The following ZNF608 variants were observed in gnomAD, a reference collection of about 807,000 sequenced individuals.
ZNF608 encodes the protein zinc finger protein 608, also known as renal carcinoma antigen NY-REN-36.
In ZNF608, 12 loss-of-function variants were observed where a neutral mutation model predicts 109.0. The ratio of observed to expected loss-of-function variants is 0.11; its 90% CI spans 0.07 to 0.18. ZNF608 has a LOEUF of 0.18. ZNF608 is among the 10% of genes least tolerant of loss of function. The probability of loss-of-function intolerance (pLI) is 1.00; values close to 1 mark genes in which losing one functional copy is unlikely to be tolerated. For synonymous variants in ZNF608, 732 were observed against 717.4 expected, an observed-to-expected ratio of 1.02 and a Z score of -0.33; for missense variants, 1,707 against 1,879.3, an observed-to-expected ratio of 0.91 and a Z score of 1.70.
At chr5:124,679,504 A>C (rs1221815158) in intron 3 of ZNF608, among the ~76,000 whole-genome samples, 6 of 151,734 alleles carry the variant, frequency 4.0e-5, no homozygotes, top group African/African-American at 1.5e-4. Flanking sequence ...GGTAACAGCC[A>C]ATGTGCTGGG....
At chr5:124,690,383 T>C (rs1190259581) in intron 3 of ZNF608, among the ~76,000 whole-genome samples, 1 of 152,250 alleles carries the variant, frequency 6.6e-6, no homozygotes, top group Non-Finnish European at 1.5e-5. Context: ...CTTTGGGTGA[T>C]GGTGTGTCAA....
chr5:124,716,866 T>G (rs1753723847), intron 2 of ZNF608, among the ~76,000 whole-genome samples: 1 of 152,152 alleles, frequency 6.6e-6, no homozygotes. Flanking sequence ...GCGAATCACC[T>G]GAGGTCGGGA....
Position 124,648,057 on chromosome 5 carries a change from A to G in ZNF608, c.2327T>C (p.Val776Ala). ...PGLPSLTTTV[V>A]QATPKSPPLK... Reference sequence around the variant, plus strand: ...CGGAGGACTCTTTGGTGTAGCCTGAACAACAGTTGTTGTGAGGGAGGGCAG... The same window carrying G: ...CGGAGGACTCTTTGGTGTAGCCTGAGCAACAGTTGTTGTGAGGGAGGGCAG... Residue 776 changes from valine to alanine, a missense_variant, in exon 5 of 10, where the codon GTT becomes GCT. This residue lies in a region of ZNF608 where 1,073 missense variants were observed against 1,133.5 expected (regional missense o/e 0.95). Coordinates refer to ENST00000513986, the MANE Select transcript of ZNF608 (RefSeq NM_020747.3). The G allele has an allele frequency of 6.2e-7, 1 of 1,614,086 alleles. No individual in the cohort carries two copies. Among genetic ancestry groups the G allele is most frequent in the Non-Finnish European group, 8.5e-7 (1 of 1,180,034 alleles).
Position 124,649,232 on chromosome 5 carries a change from T to C in ZNF608, c.1251-99A>G, listed in dbSNP as rs1750678287. On this transcript the variant is annotated intron_variant, in intron 4 of 9. Transcript: ENST00000513986. The stretch of plus-strand genomic sequence containing the variant: ...CAGTAAAGAGGAGTCAACACTCCAG[T>C]AGCTTCAGGGCTGGGCCCAGTCAAG... The C allele has an allele frequency of 7.1e-6, 7 of 983,424 alleles. No homozygotes were observed. In the Admixed American group the frequency reaches 9.3e-5, roughly 13 times the overall value. 60.9% of individuals were successfully genotyped at this position (983,424 alleles called of 1,614,324 possible).
At chr5:124,664,802 C>T (rs954655713) in intron 3 of ZNF608, among the ~76,000 whole-genome samples, 11 of 152,106 alleles carry the variant, frequency 7.2e-5, no homozygotes, top group Non-Finnish European at 1.3e-4. Context: ...TGGATGGGGA[C>T]CCACAAGGCT....
chr5:124,709,170 CAAAAAAAAAA>C (rs1156276798), intron 2 of ZNF608, among the ~76,000 whole-genome samples: 14 of 32,710 alleles, frequency 4.3e-4, no homozygotes, highest in Non-Finnish European at 5.3e-4. Flanking sequence ...GACTCTGTCT[CAAAAAAAAAA>C]AAAAAAAAAA....
intron 3 of ZNF608, among the ~76,000 whole-genome samples, chr5:124,679,419 T>C (rs186897637): frequency 0.012 from 1,762 of 146,486 alleles, 33 homozygotes; most frequent in African/African-American, 0.041. Context: ...TTCCTTCTTT[T>C]CCTCCCTCCC....
chr5:124,742,839 A>G (rs979611860), intron 2 of ZNF608, among the ~76,000 whole-genome samples: 5 of 152,222 alleles, frequency 3.3e-5, no homozygotes, highest in African/African-American at 1.2e-4. Flanking sequence ...AAGACATATT[A>G]TCACCACTTA....
intron 3 of ZNF608, among the ~76,000 whole-genome samples, chr5:124,664,079 C>G (rs1401791814): frequency 6.6e-6 from 1 of 151,976 alleles, no homozygotes; most frequent in Non-Finnish European, 1.5e-5. Flanking sequence ...CTAACAGGAC[C>G]AAAACATATT....
rs574836412 is a variant in ZNF608 at position 124,662,119 on chromosome 5, A to G, written c.1163-12422T>C. On this transcript the variant is annotated intron_variant, in intron 3 of 9. Transcript: ENST00000513986. ...ACTGATCAATTCTGAAACTCCTGAAATTTGGCTCCAAATGTTAACTGCTAA... is the reference window on the plus strand; with the variant it reads ...ACTGATCAATTCTGAAACTCCTGAAGTTTGGCTCCAAATGTTAACTGCTAA... Among the ~76,000 whole-genome samples the G allele has an allele frequency of 6.6e-5, 10 of 152,336 alleles. 1 individual carries two copies. The South Asian group carries it at 1.9e-3, about 28-fold the overall frequency.
intron 6 of ZNF608, among the ~76,000 whole-genome samples, 155 bp downstream of exon 6, chr5:124,644,089 A>G (rs7719016): frequency 0.13 from 19,058 of 152,236 alleles, 1,681 homozygotes; most frequent in African/African-American, 0.25. Context: ...AAAAAAACTT[A>G]TATTAAATCA....
chr5:124,704,549 T>C (rs1753182576), intron 2 of ZNF608, among the ~76,000 whole-genome samples: 1 of 152,226 alleles, frequency 6.6e-6, no homozygotes, highest in Non-Finnish European at 1.5e-5. Context: ...AGAGGTGTTT[T>C]TATTTGGCAG....
intron 2 of ZNF608, among the ~76,000 whole-genome samples, chr5:124,725,285 T>C (rs1754095297): frequency 6.6e-6 from 1 of 152,028 alleles, no homozygotes; most frequent in African/African-American, 2.4e-5. Context: ...CCAAAATATA[T>C]TTATTTGTCT....
Position 124,700,994 on chromosome 5 carries a change from T to C in ZNF608, c.1162+20A>G, listed in dbSNP as rs1348164485. 5.6e-6 allele frequency: 9 copies of C among 1,611,720 alleles called. No individual in the cohort carries two copies. Among genetic ancestry groups the C allele is most frequent in the Non-Finnish European group, 6.8e-6 (8 of 1,178,318 alleles). The stretch of plus-strand genomic sequence containing the variant: ...GGGGAAGAGGGCATCGGGAAATATA[T>C]AAAAATAAATTGTATTTACCTTCTT... On this transcript the variant is annotated intron_variant, in intron 3 of 9. Transcript: ENST00000513986.
chr5:124,684,590 C>T lies in ZNF608; in HGVS notation c.1162+16424G>A, dbSNP rs182922632. The stretch of plus-strand genomic sequence containing the variant: ...GGATAATGTCACCAAAAGGAGAGGA[C>T]GCAACAGCAGGAATACTCTGAAAGA... On this transcript the variant is annotated intron_variant, in intron 3 of 9. Coordinates refer to ENST00000513986, the MANE Select transcript of ZNF608 (RefSeq NM_020747.3). 3.5e-4 allele frequency among the ~76,000 whole-genome samples: 54 copies of T among 152,216 alleles called. 2 individuals carry two copies. The East Asian group carries it at 5.2e-3, about 15-fold the overall frequency.
chr5:124,700,243 G>A (rs903121459), intron 3 of ZNF608, among the ~76,000 whole-genome samples: 1 of 152,184 alleles, frequency 6.6e-6, no homozygotes, highest in Non-Finnish European at 1.5e-5. Flanking sequence ...TGGCTTGTTA[G>A]TGACACTGGC....
chr5:124,738,893 T>G (rs1467529596), intron 2 of ZNF608, among the ~76,000 whole-genome samples: 1 of 152,178 alleles, frequency 6.6e-6, no homozygotes, highest in Non-Finnish European at 1.5e-5. Context: ...TGCCACCACG[T>G]TAAAAAACCA....
chr5:124,743,930 C>T (rs1315135093), intron 2 of ZNF608, among the ~76,000 whole-genome samples, 154 bp downstream of exon 2: 1 of 152,126 alleles, frequency 6.6e-6, no homozygotes, highest in Admixed American at 6.5e-5. Context: ...TAGGCTCCCC[C>T]ATATCAAATT....
chr5:124,656,799 A>AAAACAC (rs1751029267), intron 3 of ZNF608, among the ~76,000 whole-genome samples: 1 of 123,920 alleles, frequency 8.1e-6, no homozygotes, highest in Non-Finnish European at 1.7e-5. Context: ...ATAAGCCCTA[A>AAAACAC]ACACACACAC....
Sources: gnomAD v4.1 joint callset for allele counts (sites outside exome capture counted in the v4.1 genomes callset) on GRCh38, gnomAD v4.1.1 for gene constraint, gnomAD v4.1.1 regional missense constraint, MANE v1.5 for transcripts, NCBI Gene and HGNC (gene_info 2026-07-23, HGNC 2026-07-21) for gene names.